PHACTR2: variants seen among roughly 807,000 people sequenced by gnomAD.
PHACTR2 encodes the protein phosphatase and actin regulator 2, also known as chromosome 6 open reading frame 56.
A neutral mutation model predicts 76.0 loss-of-function variants in PHACTR2; 30 were observed. The ratio of observed to expected loss-of-function variants is 0.39; its 90% confidence interval spans 0.30 to 0.54. The LOEUF is 0.54. Among genes scored for constraint, PHACTR2 ranks in the 20% least tolerant of loss-of-function variants. The pLI, the probability that PHACTR2 is intolerant of heterozygous loss-of-function variation, is 0.61. For missense variants in PHACTR2, 696 were observed against 781.1 expected (o/e 0.89, Z 1.30); for synonymous variants, 292 against 292.5 (o/e 1.00, Z 0.02).
intron 2 of PHACTR2, among the ~76,000 whole-genome samples, chr6:143,734,455 C>T (rs189343460): frequency 3.1e-4 from 47 of 152,270 alleles, no homozygotes; most frequent in African/African-American, 9.6e-4. Flanking sequence ...TCAAGTCTCC[C>T]GTCTTTTCCA....
chr6:143,675,331 G>C (rs1278591288), upstream of PHACTR2, among the ~76,000 whole-genome samples: 1 of 152,190 alleles, frequency 6.6e-6, no homozygotes, highest in East Asian at 1.9e-4. This position sits in a 1 kb window ranked among gnomAD's most constrained non-coding sequence, Gnocchi z 4.9. Flanking sequence ...ACTCAGCCAT[G>C]GTATGATATG....
rs1358657621 is a variant in PHACTR2 at position 143,764,960 on chromosome 6, A to G, written c.695-301A>G. Among the ~76,000 whole-genome samples, 1 of 152,158 alleles carries G rather than the reference A, an allele frequency of 6.6e-6. No homozygotes were observed. The highest frequency in any genetic ancestry group is 1.5e-5 in the Non-Finnish European group (1 of 68,024). On this transcript the variant is annotated intron_variant, in intron 5 of 12. Transcript: ENST00000440869. The surrounding 1 kb of genome is among the most constrained non-coding windows in gnomAD (Gnocchi z 4.7). ...ATACCGGGCTTTTTTCAAGTGAACC[A>G]TAGACAAGGGGCAGAAGATTCTCCC...
chr6:143,555,335 G>A (rs999266423), intron 1 of PHACTR2: 1 of 152,170 alleles, frequency 6.6e-6, no homozygotes, highest in African/African-American at 2.4e-5. Context: ...AATGTAGGAC[G>A]CCACCTTGCC....
rs1423791244 is a variant in PHACTR2 at position 143,556,361 on chromosome 6, T to C, written c.217+19154T>C. 4.6e-5 allele frequency among the ~76,000 whole-genome samples: 7 copies of C among 152,206 alleles called. No homozygotes were observed. Among genetic ancestry groups the C allele is most frequent in the Admixed American group, 4.6e-4 (7 of 15,266 alleles). On this transcript the variant is annotated intron_variant, in intron 1 of 11. Coordinates refer to the PHACTR2 transcript ENST00000367584. This position sits in a 1 kb window ranked among gnomAD's most constrained non-coding sequence, Gnocchi z 4.3. ...GGCGTGGGCCAGGAGAGTGAATATC[T>C]GGTGGAGGGAGGTGAGGAATACAGG...
Position 143,678,255 on chromosome 6 carries a change from G to A in PHACTR2, c.46+46G>A, listed in dbSNP as rs1359314457. 7.1e-7 allele frequency: 1 copy of A among 1,404,778 alleles called. No individual in the cohort carries two copies. Among genetic ancestry groups the A allele is most frequent in the Non-Finnish European group, 9.2e-7 (1 of 1,083,434 alleles). 87.0% of individuals were successfully genotyped at this position (1,404,778 alleles called of 1,614,324 possible). On this transcript the variant is annotated intron_variant, in intron 1 of 12. Coordinates refer to ENST00000440869, the MANE Select transcript of PHACTR2 (RefSeq NM_001100164.2). This position sits in a 1 kb window ranked among gnomAD's most constrained non-coding sequence, Gnocchi z 6.2. ...ATGCGCTCCCGCCGCGCGGGCGCAGGGCTGGCGGCGGGGCCCCGGGGCAGG... is the reference window on the plus strand; with the variant it reads ...ATGCGCTCCCGCCGCGCGGGCGCAGAGCTGGCGGCGGGGCCCCGGGGCAGG...
At chr6:143,582,552 T>C (rs1486153362) in intron 1 of PHACTR2, among the ~76,000 whole-genome samples, 1 of 152,038 alleles carries the variant, frequency 6.6e-6, no homozygotes, top group East Asian at 1.9e-4. Flanking sequence ...TTTATAATGA[T>C]ATTCAAATAG....
At chr6:143,593,600 A>G (rs2128434755) in intron 1 of PHACTR2, among the ~76,000 whole-genome samples, 1 of 152,270 alleles carries the variant, frequency 6.6e-6, no homozygotes, top group East Asian at 1.9e-4. Context: ...TTTAAGTAAA[A>G]CCTAATTTTA....
chr6:143,802,868 G>A (rs1016427844), intron 11 of PHACTR2, among the ~76,000 whole-genome samples: 8 of 152,084 alleles, frequency 5.3e-5, no homozygotes, highest in African/African-American at 1.9e-4. Flanking sequence ...AATCTTCAGT[G>A]AATTTTAAAA....
At chr6:143,781,987 A>G (rs909121927) in intron 9 of PHACTR2, among the ~76,000 whole-genome samples, 1 of 152,266 alleles carries the variant, frequency 6.6e-6, no homozygotes, top group Non-Finnish European at 1.5e-5. Context: ...AAACTGATAG[A>G]GAATTTAGCC....
In PHACTR2 at chr6:143,800,851, G is replaced by A. The variant is rs564121097; in HGVS notation, c.1846-6206G>A. Among the ~76,000 whole-genome samples, 10 of 152,288 alleles carry A rather than the reference G, an allele frequency of 6.6e-5. No homozygotes were observed. Among genetic ancestry groups the A allele is most frequent in the East Asian group, 3.8e-4 (2 of 5,196 alleles). ...GCTGGGACTGGTTGTTCCTTTCCACGTTTAGTGCTTCCTTCAGGAGCTCTT... is the reference window on the plus strand; with the variant it reads ...GCTGGGACTGGTTGTTCCTTTCCACATTTAGTGCTTCCTTCAGGAGCTCTT... On this transcript the variant is annotated intron_variant, in intron 11 of 12. Transcript: ENST00000440869. This position sits in a 1 kb window ranked among gnomAD's most constrained non-coding sequence, Gnocchi z 4.8.
chr6:143,655,198 C>G (rs182531758), intron 1 of PHACTR2, among the ~76,000 whole-genome samples: 1 of 150,684 alleles, frequency 6.6e-6, no homozygotes, highest in African/African-American at 2.4e-5. Context: ...AAGAAAACAT[C>G]ATGCTAAGTG....
chr6:143,772,485 G>A lies in PHACTR2; in HGVS notation c.1432+28G>A, dbSNP rs1405102330. The A allele has an allele frequency of 1.3e-6, 2 of 1,535,788 alleles. No homozygotes were observed. The highest frequency in any genetic ancestry group is 2.3e-5 in the South Asian group (2 of 88,110). On this transcript the variant is annotated intron_variant, in intron 7 of 12. Coordinates refer to ENST00000440869, the MANE Select transcript of PHACTR2 (RefSeq NM_001100164.2). This position sits in a 1 kb window ranked among gnomAD's most constrained non-coding sequence, Gnocchi z 5.4. ...AAGACTGTTTTCAAGAGGCAGGGAG[G>A]AGCGTGGGTGATAAGCAGAAGCAGC... is the stretch of plus-strand genomic sequence containing the variant.
rs906557933 is a variant in PHACTR2, at chr6:143,646,169, G to A, written c.13+37847G>A. Among the ~76,000 whole-genome samples the A allele has an allele frequency of 6.6e-6, 1 of 152,094 alleles. No individual in the cohort carries two copies. The highest frequency in any genetic ancestry group is 1.5e-5 in the Non-Finnish European group (1 of 68,018). Reference sequence around the variant, plus strand: ...TCTCTTATGTCTGAGGTCATAGGCTGGGTACAAGAGAGGTATAAATTAGGC... The same window carrying A: ...TCTCTTATGTCTGAGGTCATAGGCTAGGTACAAGAGAGGTATAAATTAGGC... On this transcript the variant is annotated intron_variant, in intron 1 of 11. Coordinates refer to the PHACTR2 transcript ENST00000305766. The surrounding 1 kb of genome is among the most constrained non-coding windows in gnomAD (Gnocchi z 4.1).
In PHACTR2 at chr6:143,749,010, A is replaced by G. The variant is rs1277723699; in HGVS notation, c.240A>G (p.Arg80=). 8 of 1,585,876 alleles carry G rather than the reference A, an allele frequency of 5.0e-6. No individual in the cohort carries two copies. The highest frequency in any genetic ancestry group is 1.7e-5 in the Admixed American group (1 of 59,930). The part of the protein sequence containing the change: ...SAVLERKIST[R]QSREELIRRG... ...TATTAGAAAGGAAGATATCCACACG[A>G]CAAAGTAGAGAGGAGCTGATAAGAA... Residue 80 remains arginine, a synonymous_variant, in exon 3 of 13, where the codon CGA becomes CGG. Transcript: ENST00000440869.
At position 143,689,145 on chromosome 6, in the gene PHACTR2, C is replaced by T. The variant is rs1011737573; in HGVS notation, c.46+10936C>T. ...AGCTGACTCCTTGTTTCGGCTGGATCCTTGTGCTTCATAGAGACCTTCCCT... is the reference window on the plus strand; with the variant it reads ...AGCTGACTCCTTGTTTCGGCTGGATTCTTGTGCTTCATAGAGACCTTCCCT... On this transcript the variant is annotated intron_variant, in intron 1 of 12. Transcript: ENST00000440869. The surrounding 1 kb of genome is among the most constrained non-coding windows in gnomAD (Gnocchi z 4.4). 9.9e-5 allele frequency among the ~76,000 whole-genome samples: 15 copies of T among 152,202 alleles called. No homozygotes were observed. The highest frequency in any genetic ancestry group is 3.4e-4 in the African/African-American group (14 of 41,450).
At chr6:143,569,658 T>TA (rs1306109422) in intron 1 of PHACTR2, among the ~76,000 whole-genome samples, 1 of 152,238 alleles carries the variant, frequency 6.6e-6, no homozygotes, top group East Asian at 1.9e-4. Flanking sequence ...TTATGTGGAA[T>TA]ATAGATAGAC....
At chr6:143,576,985 C>G (rs929108052) in intron 1 of PHACTR2, among the ~76,000 whole-genome samples, 1 of 150,656 alleles carries the variant, frequency 6.6e-6, no homozygotes, top group African/African-American at 2.4e-5. Context: ...TGCTAACATA[C>G]ACAAAAAGCA....
chr6:143,592,175 T>C lies in PHACTR2; in HGVS notation c.217+54968T>C, dbSNP rs931321206. On this transcript the variant is annotated intron_variant, in intron 1 of 11. Coordinates refer to the PHACTR2 transcript ENST00000367584. This position sits in a 1 kb window ranked among gnomAD's most constrained non-coding sequence, Gnocchi z 4.0. ...GGTTAAGGCTGGAGGATAGAACATA[T>C]GGTAACTAATAGTTCGTTAGCTTGA... 6.6e-6 allele frequency among the ~76,000 whole-genome samples: 1 copy of C among 152,216 alleles called. No homozygotes were observed. Among genetic ancestry groups the C allele is most frequent in the African/African-American group, 2.4e-5 (1 of 41,448 alleles).
upstream of PHACTR2, among the ~76,000 whole-genome samples, chr6:143,606,540 C>G (rs1775875698): frequency 6.6e-6 from 1 of 152,130 alleles, no homozygotes; most frequent in South Asian, 2.1e-4. Flanking sequence ...AGGCAATAGG[C>G]ACTGCCAATA....
Sources: allele counts gnomAD v4.1 joint callset (sites outside exome capture counted in the v4.1 genomes callset), GRCh38; gene constraint gnomAD v4.1.1; non-coding constraint Gnocchi (gnomAD v3.1); transcripts MANE v1.5; gene names NCBI Gene and HGNC (gene_info 2026-07-23, HGNC 2026-07-21).